The following EFEMP1 variants were observed in gnomAD, a reference collection of about 807,000 sequenced individuals.
EFEMP1 encodes the protein EGF-containing fibulin-like extracellular matrix protein 1.
Under a neutral mutation model 65.7 loss-of-function variants are expected in EFEMP1, and 18 were observed. That is an observed-to-expected ratio of 0.27 (90% CI 0.19 to 0.41). The LOEUF is 0.41. Ranked by LOEUF, EFEMP1 falls within the 10% of genes least tolerant of loss-of-function variation. The probability of loss-of-function intolerance (pLI) is 1.00; values close to 1 mark genes in which losing one functional copy is unlikely to be tolerated. For synonymous variants in EFEMP1, 237 were observed against 219.7 expected (o/e 1.08, Z -0.70); for missense variants, 469 against 624.8 (o/e 0.75, Z 2.66).
At position 55,870,857 on chromosome 2, in the gene EFEMP1, A is replaced by T; in HGVS notation, c.1183T>A (p.Tyr395Asn). 10 of 1,613,822 alleles carry T rather than the reference A, an allele frequency of 6.2e-6. No individual in the cohort carries two copies. The highest frequency in any genetic ancestry group is 2.2e-5 in the South Asian group (2 of 91,078). ...MCRELPQSIV[Y>N]KYMSIRSDRS... is the part of the protein sequence containing the mutation. ...TCAGATCGGATGCTCATGTATTTGTAGACTATTGACTGGGGCAGTTCTCGG... is the reference window on the plus strand; with the variant it reads ...TCAGATCGGATGCTCATGTATTTGTTGACTATTGACTGGGGCAGTTCTCGG... The change falls in exon 11 of 12, where the codon TAC becomes AAC. Residue 395 changes from tyrosine to asparagine, a missense_variant. Around this residue, in one of 3 missense-constraint regions of EFEMP1, gnomAD observed 399 missense variants for 528.2 expected, o/e 0.76. Coordinates refer to ENST00000355426, the MANE Select transcript of EFEMP1 (RefSeq NM_001039348.3). The surrounding 1 kb of genome is among the most constrained non-coding windows in gnomAD (Gnocchi z 5.8).
In EFEMP1 at chr2:55,923,472, G is replaced by C. The variant is rs1339381922; in HGVS notation, c.-49+239C>G. Among the ~76,000 whole-genome samples, 1 of 152,214 alleles carries C rather than the reference G, an allele frequency of 6.6e-6. No individual in the cohort carries two copies. The highest frequency in any genetic ancestry group is 1.5e-5 in the Non-Finnish European group (1 of 68,030). Reference sequence around the variant, plus strand: ...TTTATGGGCAAAGCCCTGCCGGCTGGTTGTCGGCGCGCACACACATGCCCA... The same window carrying C: ...TTTATGGGCAAAGCCCTGCCGGCTGCTTGTCGGCGCGCACACACATGCCCA... On this transcript the variant is annotated intron_variant, in intron 1 of 11. Coordinates refer to ENST00000355426, the MANE Select transcript of EFEMP1 (RefSeq NM_001039348.3). This position sits in a 1 kb window ranked among gnomAD's most constrained non-coding sequence, Gnocchi z 5.3.
rs760812439 is a variant in EFEMP1, at chr2:55,917,641, GT to G, written c.517+23del. On this transcript the variant is annotated intron_variant, in intron 5 of 11. Transcript: ENST00000355426. The surrounding 1 kb of genome is among the most constrained non-coding windows in gnomAD (Gnocchi z 6.3). ...TGCACTTGGGCAAAAGCTTTCAATG[GT>G]TAGGAAAATAAGTTATTCCTACCTT... 6.2e-7 allele frequency: 1 copy of G among 1,614,008 alleles called. No individual in the cohort carries two copies. The highest frequency in any genetic ancestry group is 8.5e-7 in the Non-Finnish European group (1 of 1,179,928).
Position 55,922,836 on chromosome 2 carries a change from G to T in EFEMP1, c.-8+63C>A, listed in dbSNP as rs1384017057. ...CTGCCCCCCAGTCCCACACCCCGGG[G>T]GATGGAGGTGGGGCTGCAAAACTCT... On this transcript the variant is annotated intron_variant, in intron 2 of 11. Coordinates refer to ENST00000355426, the MANE Select transcript of EFEMP1 (RefSeq NM_001039348.3). The surrounding 1 kb of genome is among the most constrained non-coding windows in gnomAD (Gnocchi z 5.5). 11 of 1,130,020 alleles carry T rather than the reference G, an allele frequency of 9.7e-6. No individual in the cohort carries two copies. Among genetic ancestry groups the T allele is most frequent in the Non-Finnish European group, 1.2e-5 (11 of 898,520 alleles). 70.0% of individuals were successfully genotyped at this position (1,130,020 alleles called of 1,614,324 possible).
chr2:55,908,556 T>C (rs560421180), intron 5 of EFEMP1, among the ~76,000 whole-genome samples: 1 of 152,232 alleles, frequency 6.6e-6, no homozygotes, highest in Admixed American at 6.5e-5. Context: ...ATGGTGTATA[T>C]TTCAAAACTG....
Position 55,922,355 on chromosome 2 carries a change from C to T in EFEMP1, c.81+5G>A. 1 of 1,613,546 alleles carries T rather than the reference C, an allele frequency of 6.2e-7. No individual in the cohort carries two copies. The highest frequency in any genetic ancestry group is 1.1e-5 in the South Asian group (1 of 91,050). The stretch of plus-strand genomic sequence containing the variant: ...GTACTTATTTCAAATTCCATCACCC[C>T]TTACCGTGTACGTGATGGTTTCTTC... On this transcript the variant is annotated splice_donor_5th_base_variant and intron_variant, in intron 3 of 11. Transcript: ENST00000355426. The surrounding 1 kb of genome is among the most constrained non-coding windows in gnomAD (Gnocchi z 5.5).
At position 55,923,330 on chromosome 2, in the gene EFEMP1, C is replaced by A. The variant is rs1214362634; in HGVS notation, c.-49+381G>T. On this transcript the variant is annotated intron_variant, in intron 1 of 11. Coordinates refer to ENST00000355426, the MANE Select transcript of EFEMP1 (RefSeq NM_001039348.3). This position sits in a 1 kb window ranked among gnomAD's most constrained non-coding sequence, Gnocchi z 5.3. ...GAGATGAGGTCCCCTTTCTTAACAG[C>A]AAGCTAACGCGGCGGTCCCCTGGAG... 6.6e-6 allele frequency among the ~76,000 whole-genome samples: 1 copy of A among 152,188 alleles called. No homozygotes were observed. The highest frequency in any genetic ancestry group is 2.4e-5 in the African/African-American group (1 of 41,448).
At chr2:55,900,355 C>T (rs1669984415) in intron 5 of EFEMP1, among the ~76,000 whole-genome samples, 1 of 151,226 alleles carries the variant, frequency 6.6e-6, no homozygotes, top group African/African-American at 2.4e-5. Context: ...TGGACTAGAC[C>T]AGCCTTCCCG....
intron 5 of EFEMP1, among the ~76,000 whole-genome samples, chr2:55,882,635 G>A (rs1230980114): frequency 4.0e-5 from 6 of 151,572 alleles, no homozygotes; most frequent in South Asian, 4.2e-4. Context: ...ATATTCATTC[G>A]GCTCTCCTAT....
intron 8 of EFEMP1, among the ~76,000 whole-genome samples, chr2:55,876,103 G>A (rs1192894103): frequency 6.6e-6 from 1 of 152,038 alleles, no homozygotes; most frequent in African/African-American, 2.4e-5. Flanking sequence ...TTGTTCATGT[G>A]GAAAGTGAAA....
chr2:55,908,662 A>G (rs1670372452), intron 5 of EFEMP1, among the ~76,000 whole-genome samples: 1 of 152,194 alleles, frequency 6.6e-6, no homozygotes, highest in South Asian at 2.1e-4. Flanking sequence ...TAGTGTATAC[A>G]TATATCAAAA....
intron 5 of EFEMP1, among the ~76,000 whole-genome samples, chr2:55,900,238 G>C (rs1669979966): frequency 6.6e-6 from 1 of 152,184 alleles, no homozygotes; most frequent in African/African-American, 2.4e-5. Flanking sequence ...TGAATATGAG[G>C]AAATCTTATG....
chr2:55,889,129 A>G (rs1669541102), intron 5 of EFEMP1, among the ~76,000 whole-genome samples: 1 of 152,206 alleles, frequency 6.6e-6, no homozygotes, highest in Non-Finnish European at 1.5e-5. Flanking sequence ...AAGCACACAC[A>G]TTCCTGGCTT....
At chr2:55,894,530 C>G (rs1053057711) in intron 5 of EFEMP1, among the ~76,000 whole-genome samples, 4 of 151,964 alleles carry the variant, frequency 2.6e-5, no homozygotes, top group African/African-American at 9.7e-5. Context: ...CACTAAGCAG[C>G]ATGGTGATCT....
rs544598234 is a variant in EFEMP1 at position 55,919,635 on chromosome 2, C to G, written c.82-1368G>C. Among the ~76,000 whole-genome samples, 51 of 152,300 alleles carry G rather than the reference C, an allele frequency of 3.3e-4. 1 individual carries two copies. The highest frequency in any genetic ancestry group is 6.6e-4 in the Non-Finnish European group (45 of 68,024). On this transcript the variant is annotated intron_variant, in intron 3 of 11. Coordinates refer to ENST00000355426, the MANE Select transcript of EFEMP1 (RefSeq NM_001039348.3). The surrounding 1 kb of genome is among the most constrained non-coding windows in gnomAD (Gnocchi z 4.5). Reference sequence around the variant, plus strand: ...ATAAACTTAAATTCTTTTAATATAACTGAGAGCTGCTTATGTACACAATGG... The same window carrying G: ...ATAAACTTAAATTCTTTTAATATAAGTGAGAGCTGCTTATGTACACAATGG...
At chr2:55,895,543 T>A (rs1464478844) in intron 5 of EFEMP1, among the ~76,000 whole-genome samples, 1 of 136,110 alleles carries the variant, frequency 7.3e-6, no homozygotes, top group Non-Finnish European at 1.5e-5. Flanking sequence ...CCACAAATTA[T>A]CTTTTTTTTT....
Position 55,876,631 on chromosome 2 carries a change from T to C in EFEMP1, c.872A>G (p.Asn291Ser), listed in dbSNP as rs1669045524. The change falls in exon 8 of 12, where the codon AAC becomes AGC. Residue 291 changes from asparagine (N) to serine (S), a missense_variant. This residue lies in a region of EFEMP1 where 399 missense variants were observed against 528.2 expected (regional missense o/e 0.76). Coordinates refer to ENST00000355426, the MANE Select transcript of EFEMP1 (RefSeq NM_001039348.3). ...TCTGGGAAGAGTTTTACCTTCACAGTTGAGCCTGTCACTGCTTAGCTCATA... is the reference window on the plus strand; with the variant it reads ...TCTGGGAAGAGTTTTACCTTCACAGCTGAGCCTGTCACTGCTTAGCTCATA... ...QGYELSSDRL[N>S]CEDIDECRTS... 3 of 1,612,106 alleles carry C rather than the reference T, an allele frequency of 1.9e-6. No individual in the cohort carries two copies. Among genetic ancestry groups the C allele is most frequent in the Non-Finnish European group, 2.5e-6 (3 of 1,178,828 alleles).
At chr2:55,882,517 A>T (rs1019887971) in intron 5 of EFEMP1, among the ~76,000 whole-genome samples, 1 of 152,160 alleles carries the variant, frequency 6.6e-6, no homozygotes, top group African/African-American at 2.4e-5. Context: ...TGAACTAGTT[A>T]TAAGAAATTT....
intron 5 of EFEMP1, among the ~76,000 whole-genome samples, chr2:55,882,895 T>G (rs1045959596): frequency 1.3e-5 from 2 of 152,096 alleles, no homozygotes; most frequent in Middle Eastern, 3.2e-3. Flanking sequence ...AGGGAAAGAA[T>G]CAATAATAAA....
chr2:55,902,065 G>A (rs1026464488), intron 5 of EFEMP1, among the ~76,000 whole-genome samples: 3 of 152,204 alleles, frequency 2.0e-5, no homozygotes, highest in Non-Finnish European at 4.4e-5. Flanking sequence ...AGCCTTGTCA[G>A]AGACCCAAAG....
Sources: gnomAD v4.1 joint callset for allele counts (sites outside exome capture counted in the v4.1 genomes callset) on GRCh38, gnomAD v4.1.1 for gene constraint, gnomAD v4.1.1 regional missense constraint, Gnocchi (gnomAD v3.1) non-coding constraint, MANE v1.5 for transcripts, NCBI Gene and HGNC (gene_info 2026-07-23, HGNC 2026-07-21) for gene names.